The following UGT1A9 variants were observed in gnomAD, a reference collection of about 807,000 sequenced individuals.
The protein encoded by UGT1A9 is UDP-glucuronosyltransferase 1A9.
Under a neutral mutation model 45.0 loss-of-function variants are expected in UGT1A9, and 35 were observed. That is an observed-to-expected ratio of 0.78 (90% CI 0.59 to 1.03). The LOEUF (loss-of-function observed/expected upper bound fraction) is 1.03. Ranked by LOEUF, UGT1A9 falls within the 50% of genes least tolerant of loss-of-function variation. The pLI is 0.00. For synonymous variants in UGT1A9, 278 were observed against 250.6 expected, an observed-to-expected ratio of 1.11 and a Z score of -1.03; for missense variants, 687 against 666.6, an observed-to-expected ratio of 1.03 and a Z score of -0.34.
chr2:233,771,112 C>T (rs1345932660), intron 4 of UGT1A9: 1 of 152,184 alleles, frequency 6.6e-6, no homozygotes. Flanking sequence ...CACTAAAGCA[C>T]AAGGGATCCG....
In UGT1A9 at chr2:233,690,075, T is replaced by C. The variant is rs571016220; in HGVS notation, c.855+17286T>C. Among the ~76,000 whole-genome samples the C allele has an allele frequency of 2.6e-5, 4 of 152,288 alleles. No homozygotes were observed. The East Asian group carries it at 5.8e-4, about 22-fold the overall frequency. On this transcript the variant is annotated intron_variant, in intron 1 of 4. Coordinates refer to ENST00000354728, the MANE Select transcript of UGT1A9 (RefSeq NM_021027.3). ...TTCTGCAGCCCCACCTCACAGCCTA[T>C]CAAATAGATTAAATTGCTCCTGCAT...
chr2:233,682,756 T>C, intron 1 of UGT1A9: 1 of 1,613,846 alleles, frequency 6.2e-7, no homozygotes, highest in South Asian at 1.1e-5. Context: ...TCTTCATTGG[T>C]GGTATCAACT....
intron 1 of UGT1A9, among the ~76,000 whole-genome samples, chr2:233,753,939 G>C (rs753977947): frequency 3.0e-4 from 45 of 152,164 alleles, no homozygotes; most frequent in Non-Finnish European, 6.2e-4. Flanking sequence ...GGATTCAAAT[G>C]TATGACCTCC....
chr2:233,713,886 A>T (rs745467291), intron 1 of UGT1A9: 80 of 1,613,392 alleles, frequency 5.0e-5, no homozygotes, highest in Non-Finnish European at 6.3e-5. Context: ...TATCCAATCA[A>T]TGTTCCAGGC....
intron 1 of UGT1A9, chr2:233,692,718 T>G: frequency 2.5e-6 from 2 of 787,046 alleles, no homozygotes; most frequent in East Asian, 4.8e-5. Context: ...TTCAAAGTGT[T>G]GCTATAACTT....
At chr2:233,763,181 G>A (rs1559409754) in intron 1 of UGT1A9, among the ~76,000 whole-genome samples, 1 of 152,170 alleles carries the variant, frequency 6.6e-6, no homozygotes. Flanking sequence ...CTACATATTT[G>A]TTGTTGCCTT....
At chr2:233,718,724 G>T (rs1307207827) in intron 1 of UGT1A9, 4 of 1,610,176 alleles carry the variant, frequency 2.5e-6, no homozygotes, top group Non-Finnish European at 3.4e-6. Flanking sequence ...ATGCTGATTT[G>T]CTAGGTGGCT....
At chr2:233,685,100 A>G (rs1174006549) in intron 1 of UGT1A9, among the ~76,000 whole-genome samples, 5 of 152,270 alleles carry the variant, frequency 3.3e-5, no homozygotes, top group African/African-American at 1.2e-4. Flanking sequence ...CTATAACAAA[A>G]TCTTATTGAG....
intron 1 of UGT1A9, among the ~76,000 whole-genome samples, chr2:233,704,633 C>CT (rs1366925708): frequency 6.6e-6 from 1 of 151,896 alleles, no homozygotes; most frequent in African/African-American, 2.4e-5. Flanking sequence ...TTATATTAAC[C>CT]TTTTTGCTTA....
intron 1 of UGT1A9, chr2:233,708,409 T>C (rs1215393625): frequency 6.6e-6 from 1 of 152,208 alleles, no homozygotes; most frequent in East Asian, 1.9e-4. Flanking sequence ...CATCAAGTTG[T>C]TTCACCAGTG....
intron 1 of UGT1A9, chr2:233,740,712 A>G (rs1392705535): frequency 6.6e-6 from 1 of 151,804 alleles, no homozygotes; most frequent in Non-Finnish European, 1.5e-5. Context: ...CAAGAGGGTC[A>G]TCTTTGCACC....
At chr2:233,729,075 G>A (rs2077785195) in intron 1 of UGT1A9, 2 of 1,611,914 alleles carry the variant, frequency 1.2e-6, no homozygotes, top group East Asian at 2.2e-5. Flanking sequence ...GAAAGCAAAT[G>A]TAGCAGGCAC....
chr2:233,713,546 A>G, intron 1 of UGT1A9: 1 of 1,613,984 alleles, frequency 6.2e-7, no homozygotes, highest in South Asian at 1.1e-5. Context: ...TTAAGGGCAC[A>G]CAGTGTCCAA....
chr2:233,682,830 G>T, intron 1 of UGT1A9: 5 of 1,547,694 alleles, frequency 3.2e-6, no homozygotes, highest in South Asian at 1.3e-5. Context: ...AGAATAATCT[G>T]GCTTTGGAAA....
At chr2:233,689,882 C>T (rs2074964627) in intron 1 of UGT1A9, 1 of 456,432 alleles carries the variant, frequency 2.2e-6, no homozygotes, top group Admixed American at 2.4e-5. Context: ...TTATCAAGTG[C>T]CTTATTTATT....
At chr2:233,723,194 T>TA (rs551785642) in intron 1 of UGT1A9, among the ~76,000 whole-genome samples, 179 of 130,008 alleles carry the variant, frequency 1.4e-3, no homozygotes, top group African/African-American at 1.9e-3. Context: ...GTCCATGTGG[T>TA]AAAAAAAGTC....
chr2:233,717,084 A>G (rs1344927220), intron 1 of UGT1A9, among the ~76,000 whole-genome samples: 1 of 152,206 alleles, frequency 6.6e-6, no homozygotes, highest in Non-Finnish European at 1.5e-5. Context: ...ACCAGAAATC[A>G]GATGACATCA....
chr2:233,719,363 C>T (rs569317540), intron 1 of UGT1A9: 1 of 1,613,942 alleles, frequency 6.2e-7, no homozygotes, highest in Non-Finnish European at 8.5e-7. Context: ...GTGACTTAGA[C>T]TTTAAGGGCA....
At chr2:233,755,084 G>C in intron 1 of UGT1A9, 2 of 1,335,302 alleles carry the variant, frequency 1.5e-6, no homozygotes, top group Non-Finnish European at 2.0e-6. Flanking sequence ...CATAGATATC[G>C]CGTTTCTACG....
Sources: allele counts gnomAD v4.1 joint callset (sites outside exome capture counted in the v4.1 genomes callset), GRCh38; gene constraint gnomAD v4.1.1; transcripts MANE v1.5; gene names NCBI Gene and HGNC (gene_info 2026-07-23, HGNC 2026-07-21).